The following SLC30A6 variants were observed in gnomAD, a reference collection of about 807,000 sequenced individuals.
The protein encoded by SLC30A6 is solute carrier family 30 member 6.
SLC30A6 carries 55 observed loss-of-function variants against 63.0 expected under a neutral mutation model. That is an observed-to-expected ratio of 0.87 (90% CI 0.70 to 1.09). SLC30A6 has a LOEUF of 1.09. Ranked by LOEUF, SLC30A6 falls within the 50% of genes least tolerant of loss-of-function variation. SLC30A6 has a pLI of 0.00. For synonymous variants in SLC30A6, 224 were observed against 186.1 expected (o/e 1.20, Z -1.66); for missense variants, 587 against 549.2 (o/e 1.07, Z -0.69).
At chr2:32,195,920 T>G (rs192526372) in intron 8 of SLC30A6, among the ~76,000 whole-genome samples, 36 of 152,212 alleles carry the variant, frequency 2.4e-4, no homozygotes, top group African/African-American at 8.4e-4. Context: ...CTTGGTAGCA[T>G]GTGCCTCTAG....
chr2:32,186,882 A>G (rs1335774902), intron 5 of SLC30A6, among the ~76,000 whole-genome samples: 1 of 150,500 alleles, frequency 6.6e-6, no homozygotes. Flanking sequence ...CTGCATTCCC[A>G]GCTACTCATG....
intron 10 of SLC30A6, among the ~76,000 whole-genome samples, chr2:32,204,359 A>C (rs1021249725): frequency 2.6e-5 from 4 of 152,114 alleles, no homozygotes; most frequent in African/African-American, 9.7e-5. Flanking sequence ...ACCTCTTCCT[A>C]CTAATTAACA....
intron 10 of SLC30A6, among the ~76,000 whole-genome samples, chr2:32,200,887 A>G (rs1684235043): frequency 6.6e-6 from 1 of 152,188 alleles, no homozygotes; most frequent in Non-Finnish European, 1.5e-5. Flanking sequence ...AGTTGCAAAA[A>G]TTGAAGTTGT....
rs186561091 is a variant in SLC30A6, at chr2:32,201,861, T to C, written c.666-2729T>C. ...ATGAGAAATCAGAAACAAGAGAAAA[T>C]GGTGTTACAGATTACCTGGATGCTC... is the stretch of plus-strand genomic sequence containing the variant. On this transcript the variant is annotated intron_variant, in intron 10 of 13. Transcript: ENST00000282587. 5.6e-5 allele frequency: 81 copies of C among 1,439,792 alleles called. No homozygotes were observed. The African/African-American group carries it at 1.1e-3, about 19-fold the overall frequency. The allele number at this position is 1,439,792 out of a possible 1,614,324, so 89.2% of individuals were successfully genotyped here.
chr2:32,189,183 C>T (rs916934046), intron 5 of SLC30A6, among the ~76,000 whole-genome samples: 2 of 151,896 alleles, frequency 1.3e-5, no homozygotes, highest in Admixed American at 6.6e-5. Context: ...TAAGATAATA[C>T]CAAACCGTTT....
In SLC30A6 at chr2:32,217,802, G is replaced by A. The variant is rs753609457; in HGVS notation, c.886-2411G>A. Among the ~76,000 whole-genome samples, 7 of 150,362 alleles carry A rather than the reference G, an allele frequency of 4.7e-5. 1 individual carries two copies. Among genetic ancestry groups the A allele is most frequent in the Non-Finnish European group, 1.0e-4 (7 of 67,616 alleles). ...CCTCTTTGGTTAGATGTATTTCTAG[G>A]TATTTTATTTCTTTTGTGGATATTG... On this transcript the variant is annotated intron_variant, in intron 13 of 13. Coordinates refer to ENST00000282587, the MANE Select transcript of SLC30A6 (RefSeq NM_017964.5).
At chr2:32,179,694 G>A (rs992166694) in intron 4 of SLC30A6, among the ~76,000 whole-genome samples, 6 of 152,102 alleles carry the variant, frequency 3.9e-5, no homozygotes, top group Non-Finnish European at 5.9e-5. Context: ...ACACAACAGT[G>A]TATATAGTAT....
intron 13 of SLC30A6, among the ~76,000 whole-genome samples, chr2:32,212,195 A>G (rs1405512711): frequency 6.6e-6 from 1 of 151,630 alleles, no homozygotes; most frequent in Non-Finnish European, 1.5e-5. Flanking sequence ...GTAAGTCTTC[A>G]TTTCTAAAGT....
At chr2:32,184,111 A>G (rs911315606) in intron 4 of SLC30A6, among the ~76,000 whole-genome samples, 162 bp from the exon 5 acceptor site, 12 of 152,164 alleles carry the variant, frequency 7.9e-5, no homozygotes, top group Non-Finnish European at 1.8e-4. Context: ...ATGGTAAACT[A>G]CTAGAATTAA....
chr2:32,198,171 T>A (rs1407803005), intron 10 of SLC30A6, among the ~76,000 whole-genome samples: 2 of 152,186 alleles, frequency 1.3e-5, no homozygotes, highest in South Asian at 4.1e-4. Context: ...AACAATTTTT[T>A]AAAAATAAAG....
At chr2:32,189,725 CAGCCTCCTG>C (rs1455365778) in intron 5 of SLC30A6, among the ~76,000 whole-genome samples, 1 of 150,394 alleles carries the variant, frequency 6.6e-6, no homozygotes, top group Non-Finnish European at 1.5e-5. Flanking sequence ...TCTCCTGCCT[CAGCCTCCTG>C]AGTTGCTAGG....
At position 32,220,861 on chromosome 2, in the gene SLC30A6, T is replaced by A. The variant is rs1431465002; in HGVS notation, c.*148T>A. 2.7e-6 allele frequency: 2 copies of A among 743,418 alleles called. No individual in the cohort carries two copies. The highest frequency in any genetic ancestry group is 5.5e-5 in the East Asian group (2 of 36,400). 46.1% of individuals were successfully genotyped at this position (743,418 alleles called of 1,614,324 possible). Reference sequence around the variant, plus strand: ...ACATTTCATGAAACCTATGAAACTATATTTTTGTAAAATGTATTTGTGACA... The same window carrying A: ...ACATTTCATGAAACCTATGAAACTAAATTTTTGTAAAATGTATTTGTGACA... On this transcript the variant is annotated 3_prime_UTR_variant, in exon 14 of 14. Transcript: ENST00000282587.
chr2:32,204,080 C>T, intron 10 of SLC30A6: 1 of 524,004 alleles, frequency 1.9e-6, no homozygotes, highest in Non-Finnish European at 3.4e-6. Flanking sequence ...ATTAGGTCAT[C>T]ATAGTTGAGG....
intron 10 of SLC30A6, chr2:32,203,560 G>A (rs1421647212): frequency 1.2e-6 from 2 of 1,602,582 alleles, no homozygotes; most frequent in African/African-American, 2.7e-5. Context: ...ATAGGGATTT[G>A]TGACCATGAC....
At chr2:32,186,817 G>A (rs184030732) in intron 5 of SLC30A6, among the ~76,000 whole-genome samples, 11 of 151,804 alleles carry the variant, frequency 7.2e-5, no homozygotes, top group Admixed American at 2.0e-4. Context: ...AGCAAAGAGC[G>A]AGACCCCGTC....
rs569954790 is a variant in SLC30A6, at chr2:32,191,561, T to C, written c.285-775T>C. Reference sequence around the variant, plus strand: ...CTTATAGTCTAGGGATTATAAAATATATTCATAATTCACTGTAATTATGTA... The same window carrying C: ...CTTATAGTCTAGGGATTATAAAATACATTCATAATTCACTGTAATTATGTA... On this transcript the variant is annotated intron_variant, in intron 5 of 13. Transcript: ENST00000282587. 4.4e-4 allele frequency among the ~76,000 whole-genome samples: 67 copies of C among 152,346 alleles called. 1 individual carries two copies. Among genetic ancestry groups the C allele is most frequent in the African/African-American group, 1.6e-3 (66 of 41,582 alleles).
chr2:32,166,636 C>G (rs924172238), intron 1 of SLC30A6, among the ~76,000 whole-genome samples: 3 of 152,140 alleles, frequency 2.0e-5, no homozygotes, highest in Admixed American at 2.0e-4. Flanking sequence ...GTCCAAGTGG[C>G]GTGTGCCTTT....
intron 10 of SLC30A6, chr2:32,202,687 TAG>T: frequency 1.5e-6 from 1 of 659,222 alleles, no homozygotes; most frequent in South Asian, 1.5e-5. Flanking sequence ...GATCAAATGT[TAG>T]AGTTAGGTTT....
rs1216780503 is a variant in SLC30A6 at position 32,179,141 on chromosome 2, T to TG, written c.218+3781dup. Among the ~76,000 whole-genome samples, 3 of 152,210 alleles carry TG rather than the reference T, an allele frequency of 2.0e-5. No individual in the cohort carries two copies. In the South Asian group the frequency reaches 6.2e-4, roughly 32 times the overall value. ...TCCCAAAGCGTTGGGATTACAAGCATGAACTACCTGTCCTGGCTGGAAACA... is the reference window on the plus strand; with the variant it reads ...TCCCAAAGCGTTGGGATTACAAGCATGGAACTACCTGTCCTGGCTGGAAACA... On this transcript the variant is annotated intron_variant, in intron 4 of 13. Transcript: ENST00000282587.
Sources: gnomAD v4.1 joint callset for allele counts (sites outside exome capture counted in the v4.1 genomes callset) on GRCh38, gnomAD v4.1.1 for gene constraint, MANE v1.5 for transcripts, NCBI Gene and HGNC (gene_info 2026-07-23, HGNC 2026-07-21) for gene names.